KCNQ3: variants seen among roughly 807,000 people sequenced by gnomAD.
The protein encoded by KCNQ3 is potassium voltage-gated channel subfamily KQT member 3.
KCNQ3 carries 30 observed loss-of-function variants against 92.5 expected under a neutral mutation model. That is an observed-to-expected ratio of 0.32 (90% CI 0.24 to 0.44). KCNQ3 has a LOEUF of 0.44. KCNQ3 is among the 20% of genes least tolerant of loss of function. KCNQ3 has a pLI of 1.00. For missense variants in KCNQ3, 913 were observed against 1,140.3 expected (o/e 0.80, Z 2.87); for synonymous variants, 450 against 468.8 (o/e 0.96, Z 0.52).
chr8:132,214,367 C>T (rs1318570818), intron 1 of KCNQ3, among the ~76,000 whole-genome samples: 1 of 152,214 alleles, frequency 6.6e-6, no homozygotes, highest in Non-Finnish European at 1.5e-5. Context: ...TTCCTTCTTT[C>T]CTTCTTCTCA....
chr8:132,130,978 A>G (rs1586752442), intron 14 of KCNQ3, among the ~76,000 whole-genome samples: 1 of 152,230 alleles, frequency 6.6e-6, no homozygotes, highest in Admixed American at 6.5e-5. Context: ...AGCAGATGCC[A>G]GGATAGCATC....
intron 1 of KCNQ3, among the ~76,000 whole-genome samples, chr8:132,241,647 A>T (rs1418642291): frequency 1.3e-5 from 2 of 152,162 alleles, no homozygotes; most frequent in Non-Finnish European, 2.9e-5. Context: ...CAGCCTAGTT[A>T]ACATGGTGAA....
chr8:132,468,180 G>A (rs918862382), intron 1 of KCNQ3, among the ~76,000 whole-genome samples: 1 of 152,242 alleles, frequency 6.6e-6, no homozygotes, highest in Non-Finnish European at 1.5e-5. Context: ...CAGGGCTTCG[G>A]AGAAGCATCC....
chr8:132,456,616 A>T (rs565179044), intron 1 of KCNQ3, among the ~76,000 whole-genome samples: 110 of 149,274 alleles, frequency 7.4e-4, no homozygotes, highest in African/African-American at 9.3e-4. Context: ...TTATTTATTT[A>T]TTTTTTTTTG....
intron 1 of KCNQ3, among the ~76,000 whole-genome samples, chr8:132,413,842 C>T (rs902050030): frequency 6.6e-6 from 1 of 152,242 alleles, no homozygotes; most frequent in Non-Finnish European, 1.5e-5. Flanking sequence ...CTGTGTCACG[C>T]TGTCTGCAGG....
chr8:132,283,090 C>CGTG (rs757535563), intron 1 of KCNQ3, among the ~76,000 whole-genome samples: 2,843 of 137,738 alleles, frequency 0.021, 37 homozygotes, highest in African/African-American at 0.049. Flanking sequence ...CTCTCTCTCT[C>CGTG]TCGTGTGTGT....
intron 3 of KCNQ3, among the ~76,000 whole-genome samples, chr8:132,182,808 T>C (rs1826828389): frequency 1.3e-5 from 2 of 151,690 alleles, no homozygotes; most frequent in Non-Finnish European, 2.9e-5. Context: ...AAGCGGGGAT[T>C]AGATACTGAA....
In KCNQ3 at chr8:132,177,924, C is replaced by T. The variant is rs145190154; in HGVS notation, c.777+2233G>A. ...TGGAGTCTAACAACAGCCTGTAAATCTAAGTCTATGTGCAGAGAGCTCTGC... is the reference window on the plus strand; with the variant it reads ...TGGAGTCTAACAACAGCCTGTAAATTTAAGTCTATGTGCAGAGAGCTCTGC... On this transcript the variant is annotated intron_variant, in intron 4 of 14. Transcript: ENST00000388996. Among the ~76,000 whole-genome samples, 617 of 152,318 alleles carry T rather than the reference C, an allele frequency of 4.1e-3. 4 individuals are homozygous for T. The highest frequency in any genetic ancestry group is 0.012 in the African/African-American group (496 of 41,572).
intron 3 of KCNQ3, among the ~76,000 whole-genome samples, chr8:132,180,655 C>T (rs1218740562): frequency 6.6e-6 from 1 of 152,104 alleles, no homozygotes; most frequent in African/African-American, 2.4e-5. Flanking sequence ...GAGATTCACT[C>T]TGGGGCCCAG....
chr8:132,456,593 T>A (rs955713380), intron 1 of KCNQ3, among the ~76,000 whole-genome samples: 2 of 117,548 alleles, frequency 1.7e-5, no homozygotes, highest in African/African-American at 7.0e-5. Flanking sequence ...TAGCTTTCTA[T>A]TTTTTTTTTA....
intron 1 of KCNQ3, among the ~76,000 whole-genome samples, chr8:132,299,201 T>C (rs1023901309): frequency 1.3e-5 from 2 of 150,812 alleles, no homozygotes; most frequent in African/African-American, 4.9e-5. Context: ...GAGAAGATAT[T>C]TTGATATGGG....
At chr8:132,243,270 A>G (rs1243812073) in intron 1 of KCNQ3, among the ~76,000 whole-genome samples, 2 of 152,248 alleles carry the variant, frequency 1.3e-5, no homozygotes, top group Non-Finnish European at 2.9e-5. Context: ...TGGCAGAGTC[A>G]GGATTTGGAT....
chr8:132,416,027 G>A (rs921160359), intron 1 of KCNQ3, among the ~76,000 whole-genome samples: 1 of 152,130 alleles, frequency 6.6e-6, no homozygotes, highest in African/African-American at 2.4e-5. Flanking sequence ...CTCACCCCAG[G>A]CCACAGTGGT....
At chr8:132,301,020 C>T (rs1817197847) in intron 1 of KCNQ3, among the ~76,000 whole-genome samples, 1 of 152,170 alleles carries the variant, frequency 6.6e-6, no homozygotes. Flanking sequence ...TCCGTTTAGT[C>T]ATTTTCCAGG....
chr8:132,334,444 T>C (rs1174000671), intron 1 of KCNQ3, among the ~76,000 whole-genome samples: 3 of 152,130 alleles, frequency 2.0e-5, no homozygotes, highest in African/African-American at 7.2e-5. Flanking sequence ...AAGAAAAATG[T>C]CACAGTTAAC....
At chr8:132,232,545 G>A (rs1814677533) in intron 1 of KCNQ3, among the ~76,000 whole-genome samples, 2 of 152,280 alleles carry the variant, frequency 1.3e-5, no homozygotes, top group Admixed American at 1.3e-4. Context: ...AAAAGCATTG[G>A]CTGTTATTTT....
rs140075204 is a variant in KCNQ3 at position 132,333,809 on chromosome 8, C to T, written c.386+146338G>A. On this transcript the variant is annotated intron_variant, in intron 1 of 14. Coordinates refer to ENST00000388996, the MANE Select transcript of KCNQ3 (RefSeq NM_004519.4). The stretch of plus-strand genomic sequence containing the variant: ...AGTGCAGTGGTGTGATTTCGGCTCA[C>T]TGCAGCCTCCGGTTCCCGAGTTCAA... 5.0e-4 allele frequency among the ~76,000 whole-genome samples: 76 copies of T among 151,624 alleles called. 1 individual carries two copies. In the East Asian group the frequency reaches 0.015, roughly 30 times the overall value.
intron 9 of KCNQ3, among the ~76,000 whole-genome samples, chr8:132,159,500 C>G (rs549906150): frequency 6.6e-6 from 1 of 152,252 alleles, no homozygotes; most frequent in South Asian, 2.1e-4. Flanking sequence ...GAATATGTAA[C>G]TCAAACTGGG....
At chr8:132,477,114 G>A (rs112494904) in intron 1 of KCNQ3, among the ~76,000 whole-genome samples, 3,067 of 152,080 alleles carry the variant, frequency 0.02, 44 homozygotes, top group Non-Finnish European at 0.022. Context: ...TAAGTTTCCT[G>A]AGACCACCCC....
Sources: allele counts gnomAD v4.1 joint callset (sites outside exome capture counted in the v4.1 genomes callset), GRCh38; gene constraint gnomAD v4.1.1; transcripts MANE v1.5; gene names NCBI Gene and HGNC (gene_info 2026-07-23, HGNC 2026-07-21).